The following MTM1 variants were observed in gnomAD, a reference collection of about 807,000 sequenced individuals.
MTM1 encodes myotubularin.
Under a neutral mutation model 52.1 loss-of-function variants are expected in MTM1, and 9 were observed. That is an observed-to-expected ratio of 0.17 (90% CI 0.10 to 0.30). The LOEUF is 0.30. Ranked by LOEUF, MTM1 falls within the 10% of genes least tolerant of loss-of-function variation. The probability of loss-of-function intolerance (pLI) is 1.00; values close to 1 mark genes in which losing one functional copy is unlikely to be tolerated. For synonymous variants in MTM1, 136 were observed against 163.8 expected (o/e 0.83, Z 1.29); for missense variants, 277 against 470.7 (o/e 0.59, Z 3.81).
chrX:150,653,112 G>A lies in MTM1; in HGVS notation c.1053+3211G>A, dbSNP rs2040055735. On this transcript the variant is annotated intron_variant, in intron 10 of 14. Transcript: ENST00000370396. Reference sequence around the variant, plus strand: ...GTCATTGTTCTGTACAGAAGCCAAAGGAGTTACCAGGAGACTGGGGAGTCT... The same window carrying A: ...GTCATTGTTCTGTACAGAAGCCAAAAGAGTTACCAGGAGACTGGGGAGTCT... Among the ~76,000 whole-genome samples, 3 of 111,906 alleles carry A rather than the reference G, an allele frequency of 2.7e-5. No individual in the cohort carries two copies. In the South Asian group the frequency reaches 1.1e-3, roughly 42 times the overall value.
At chrX:150,583,563 ATATATAATTTATATATAATATATATAATT>A (rs2038680916) in intron 1 of MTM1, among the ~76,000 whole-genome samples, 1 of 23,437 alleles carries the variant, frequency 4.3e-5, no homozygotes, top group African/African-American at 4.4e-4. Flanking sequence ...TTTATATATA[ATATATAATTTATATATAATATATATAATT>A]TATATATAAT....
rs782269386 is a variant in MTM1 at position 150,570,952 on chromosome X, C to T, written c.-11+2290C>T. Among the ~76,000 whole-genome samples, 16 of 112,224 alleles carry T rather than the reference C, an allele frequency of 1.4e-4. No individual in the cohort carries two copies. The East Asian group carries it at 4.4e-3, about 31-fold the overall frequency. ...TTCAAAGCAAAATTTTAAACTTTTA[C>T]AGGTCTGAAAAATAATTAAAGTTAC... On this transcript the variant is annotated intron_variant, in intron 1 of 14. Coordinates refer to ENST00000370396, the MANE Select transcript of MTM1 (RefSeq NM_000252.3).
At chrX:150,655,325 A>C (rs1289463413) in intron 10 of MTM1, among the ~76,000 whole-genome samples, 1 of 98,109 alleles carries the variant, frequency 1.0e-5, no homozygotes, top group Non-Finnish European at 2.1e-5. Flanking sequence ...ACTCTGTCTC[A>C]AAAAAAAAAA....
At chrX:150,631,199 T>C in intron 6 of MTM1, among the ~76,000 whole-genome samples, 1 of 112,604 alleles carries the variant, frequency 8.9e-6, no homozygotes, top group Middle Eastern at 4.6e-3. Flanking sequence ...TGGTGAGAAC[T>C]CTGCTGAAAT....
intron 10 of MTM1, among the ~76,000 whole-genome samples, chrX:150,650,890 AT>A (rs1465744030): frequency 8.9e-6 from 1 of 111,759 alleles, no homozygotes; most frequent in Non-Finnish European, 1.9e-5. Context: ...AGGTTTGTAG[AT>A]TAACCTGCAA....
intron 4 of MTM1, among the ~76,000 whole-genome samples, chrX:150,612,745 A>G (rs886671813): frequency 8.1e-5 from 9 of 111,391 alleles, no homozygotes; most frequent in Non-Finnish European, 1.7e-4. Context: ...GAACTTTGGG[A>G]GGCCGAGGCA....
chrX:150,641,125 C>T (rs2039840627), intron 7 of MTM1, 144 bp from the exon 8 acceptor site: 3 of 575,488 alleles, frequency 5.2e-6, no homozygotes, highest in Non-Finnish European at 8.3e-6. Flanking sequence ...GATTTGGCAC[C>T]CTTATTATAA....
intron 14 of MTM1, among the ~76,000 whole-genome samples, chrX:150,670,418 G>A (rs1557415103): frequency 8.9e-6 from 1 of 112,185 alleles, no homozygotes; most frequent in Non-Finnish European, 1.9e-5. Flanking sequence ...GAGGCACACA[G>A]AAGGTGAGGG....
chrX:150,563,585 T>C (rs1021716145), upstream of MTM1, among the ~76,000 whole-genome samples: 64 of 103,952 alleles, frequency 6.2e-4, no homozygotes, highest in African/African-American at 2.1e-3. Flanking sequence ...AGTGCTGGGA[T>C]TAAATCTCAG....
intron 12 of MTM1, 79 bp downstream of exon 12, chrX:150,659,835 C>A: frequency 1.2e-6 from 1 of 849,706 alleles, no homozygotes; most frequent in Non-Finnish European, 1.7e-6. Context: ...GGGATTTGAC[C>A]CCAAAATAAT....
intron 4 of MTM1, among the ~76,000 whole-genome samples, chrX:150,601,925 C>T (rs1557412750): frequency 1.8e-5 from 2 of 111,941 alleles, no homozygotes; most frequent in African/African-American, 6.5e-5. Context: ...TTCCTTCTCC[C>T]ATCATGCATG....
chrX:150,571,986 C>T (rs1264527718), intron 1 of MTM1, among the ~76,000 whole-genome samples: 1 of 112,107 alleles, frequency 8.9e-6, no homozygotes, highest in Non-Finnish European at 1.9e-5. Flanking sequence ...GTGAGTACCA[C>T]GACAGTCTCA....
intron 14 of MTM1, 39 bp from the exon 15 acceptor site, chrX:150,671,389 G>T (rs368528086): frequency 2.3e-5 from 28 of 1,203,635 alleles, no homozygotes; most frequent in Non-Finnish European, 1.1e-6. Context: ...CATGACGTGC[G>T]TGGCATAAAG....
Position 150,642,086 on chromosome X carries a change from G to T in MTM1, c.678+668G>T, listed in dbSNP as rs782582154. Among the ~76,000 whole-genome samples the T allele has an allele frequency of 2.0e-3, 209 of 106,949 alleles. 1 individual carries two copies. The highest frequency in any genetic ancestry group is 6.6e-3 in the African/African-American group (194 of 29,502). The allele number at this position is 106,949 out of a possible 115,157, so 92.9% of individuals were successfully genotyped here. A position where few individuals can be genotyped will look rare whatever the true frequency, so the allele number is the denominator to read the frequency against. ...CAGGGTCTGTCATAAGTACCTTGGGGTTTTTTTTTTCCCCTAATAAGTAAA... is the reference window on the plus strand; with the variant it reads ...CAGGGTCTGTCATAAGTACCTTGGGTTTTTTTTTTTCCCCTAATAAGTAAA... On this transcript the variant is annotated intron_variant, in intron 8 of 14. Transcript: ENST00000370396.
At chrX:150,596,773 T>C in intron 3 of MTM1, 1 of 394,919 alleles carries the variant, frequency 2.5e-6, no homozygotes. Flanking sequence ...GGTAGTGATA[T>C]TCTTGTGTCT....
Position 150,619,038 on chromosome X carries a change from G to A in MTM1, c.343G>A (p.Asp115Asn). 8.4e-7 allele frequency: 1 copy of A among 1,196,362 alleles called. No individual in the cohort carries two copies. Among genetic ancestry groups the A allele is most frequent in the Non-Finnish European group, 1.1e-6 (1 of 881,729 alleles). ...TGTCATACTTCTCCTTTGCCCCCAG[G>A]ACATGAGAAACCTGAGGTTCGCTTT... ...NSYGLDITCK[D>N]MRNLRFALKQ... The change falls in exon 6 of 15, where the codon GAC becomes AAC. Residue 115 changes from aspartate (D) to asparagine (N), a missense_variant and splice_region_variant. Physicochemically the swap from Asp to Asn is conservative, Grantham distance 23. Transcript: ENST00000370396.
In MTM1 at chrX:150,644,643, T is replaced by C. The variant is rs782443481; in HGVS notation, c.679-1040T>C. Among the ~76,000 whole-genome samples, 2 of 111,417 alleles carry C rather than the reference T, an allele frequency of 1.8e-5. 1 individual carries two copies. The highest frequency in any genetic ancestry group is 6.5e-5 in the African/African-American group (2 of 30,685). On this transcript the variant is annotated intron_variant, in intron 8 of 14. Coordinates refer to ENST00000370396, the MANE Select transcript of MTM1 (RefSeq NM_000252.3). ...CGTTCTTTGTATCTGCATTTTGTAG[T>C]TTTTGCTAACTGACTTTCCTGGCTG...
At chrX:150,620,870 A>G (rs1482821373) in intron 6 of MTM1, among the ~76,000 whole-genome samples, 4 of 110,891 alleles carry the variant, frequency 3.6e-5, no homozygotes, top group African/African-American at 1.3e-4. Flanking sequence ...TAATCCCAGC[A>G]CTTTGGGAGG....
intron 1 of MTM1, among the ~76,000 whole-genome samples, chrX:150,576,545 C>T (rs868914512): frequency 9.0e-6 from 1 of 111,366 alleles, no homozygotes; most frequent in Non-Finnish European, 1.9e-5. Context: ...TAATTTTTAA[C>T]GAGTAAAAAC....
Sources: gnomAD v4.1 joint callset for allele counts (sites outside exome capture counted in the v4.1 genomes callset) on GRCh38, gnomAD v4.1.1 for gene constraint, MANE v1.5 for transcripts, NCBI Gene and HGNC (gene_info 2026-07-23, HGNC 2026-07-21) for gene names.